Variants in UMAD1 observed in about 807,000 individuals in gnomAD.
UMAD1 encodes UBAP1-MVB12-associated (UMA) domain containing 1.
UMAD1 carries 8 observed loss-of-function variants against 6.1 expected under a neutral mutation model. The observed-to-expected ratio is 1.30, with a 90% CI of 0.76 to 2.35. UMAD1 has a LOEUF of 2.35. Ranked by LOEUF, UMAD1 falls within the 30% of genes most tolerant of loss-of-function variation. The probability of loss-of-function intolerance (pLI) is 0.00; values close to 1 mark genes in which losing one functional copy is unlikely to be tolerated. For missense variants in UMAD1, 130 were observed against 78.4 expected, an observed-to-expected ratio of 1.66 and a Z score of -2.49; for synonymous variants, 56 against 31.4, an observed-to-expected ratio of 1.78 and a Z score of -2.61.
intron 2 of UMAD1, among the ~76,000 whole-genome samples, chr7:7,708,315 G>A (rs1780657391): frequency 1.3e-5 from 2 of 152,094 alleles, no homozygotes; most frequent in African/African-American, 4.8e-5. Flanking sequence ...AGTTAATGTT[G>A]AATAAGCTAC....
chr7:7,708,729 A>ATAAG (rs1780672813), intron 2 of UMAD1, among the ~76,000 whole-genome samples: 1 of 152,208 alleles, frequency 6.6e-6, no homozygotes, highest in Non-Finnish European at 1.5e-5. Flanking sequence ...TTTGACTGAA[A>ATAAG]CGAGCAACTA....
intron 3 of UMAD1, among the ~76,000 whole-genome samples, chr7:7,817,991 A>T (rs79339873): frequency 0.083 from 12,653 of 152,010 alleles, 709 homozygotes; most frequent in Non-Finnish European, 0.13. Context: ...TTTTCTTTTT[A>T]AACTTTCAGG....
chr7:7,859,661 C>A (rs1200592530), intron 3 of UMAD1, among the ~76,000 whole-genome samples: 1 of 152,120 alleles, frequency 6.6e-6, no homozygotes, highest in Non-Finnish European at 1.5e-5. Flanking sequence ...TAGGTAGAGG[C>A]AGGGGTCATT....
intron 3 of UMAD1, among the ~76,000 whole-genome samples, chr7:7,821,357 A>G (rs1161124035): frequency 6.6e-6 from 1 of 152,234 alleles, no homozygotes. Flanking sequence ...TATATTAGTT[A>G]CATGTTGCCA....
At position 7,797,025 on chromosome 7, in the gene UMAD1, A is replaced by G. The variant is rs543693429; in HGVS notation, c.83-4645A>G. On this transcript the variant is annotated intron_variant, in intron 2 of 3. Transcript: ENST00000682710. ...CTATAAAGGAATACCTGAGAAGGGTAATTTATAAAGAAAAGAGGTTTATTT... is the reference window on the plus strand; with the variant it reads ...CTATAAAGGAATACCTGAGAAGGGTGATTTATAAAGAAAAGAGGTTTATTT... Among the ~76,000 whole-genome samples, 6 of 152,300 alleles carry G rather than the reference A, an allele frequency of 3.9e-5. No homozygotes were observed. In the South Asian group the frequency reaches 8.3e-4, roughly 21 times the overall value.
chr7:7,673,399 G>T lies in UMAD1; in HGVS notation c.28G>T (p.Glu10Ter). 8.6e-7 allele frequency: 1 copy of T among 1,165,910 alleles called. No individual in the cohort carries two copies. The highest frequency in any genetic ancestry group is 1.5e-5 in the African/African-American group (1 of 66,340). 72.2% of individuals were successfully genotyped at this position (1,165,910 alleles called of 1,614,324 possible). The change falls in exon 2 of 4, where the codon GAA (glutamate) becomes TAA (stop). Residue 10 changes from glutamate (E) to a stop codon, truncating the protein, a stop_gained. Transcript: ENST00000682710. LOFTEE classifies it high-confidence loss of function. MFHFFRKPPESKKPSVPETE... is the reference protein window; with the variant it reads MFHFFRKPP ...GTTTCACTTCTTCAGAAAGCCTCCGGAATCTAAAAAGCCCTCAGTACCAGA... is the reference window on the plus strand; with the variant it reads ...GTTTCACTTCTTCAGAAAGCCTCCGTAATCTAAAAAGCCCTCAGTACCAGA...
rs71011001 is a variant in UMAD1, at chr7:7,704,766, C to CAAA, written c.82+31338_82+31340dup. On this transcript the variant is annotated intron_variant, in intron 2 of 3. Transcript: ENST00000682710. The stretch of plus-strand genomic sequence containing the variant: ...TGGGTGACAGAGCGAGACTCCATCT[C>CAAA]AAAAAAAAAAAAAAAAAAAAAAAAA... 6.7e-4 allele frequency among the ~76,000 whole-genome samples: 12 copies of CAAA among 17,848 alleles called. 1 individual carries two copies. The highest frequency in any genetic ancestry group is 1.2e-3 in the African/African-American group (6 of 4,806). The allele number at this position is 17,848 out of a possible 152,430, so 11.7% of individuals were successfully genotyped here.
chr7:7,731,632 T>C (rs1781260450), intron 2 of UMAD1, among the ~76,000 whole-genome samples: 1 of 152,226 alleles, frequency 6.6e-6, no homozygotes, highest in Non-Finnish European at 1.5e-5. Context: ...GACTGCTAAA[T>C]TGCCTATTTG....
chr7:7,823,432 C>G (rs1428063258), intron 3 of UMAD1, among the ~76,000 whole-genome samples: 1 of 151,964 alleles, frequency 6.6e-6, no homozygotes, highest in Non-Finnish European at 1.5e-5. Flanking sequence ...ATCTGGCAAC[C>G]CCCGCCATAA....
At chr7:7,713,478 T>A (rs1780817187) in intron 2 of UMAD1, among the ~76,000 whole-genome samples, 1 of 151,932 alleles carries the variant, frequency 6.6e-6, no homozygotes, top group South Asian at 2.1e-4. Context: ...CTCCCCCCCA[T>A]GGCAATATTG....
At chr7:7,668,553 T>A (rs2115101541) in intron 1 of UMAD1, among the ~76,000 whole-genome samples, 1 of 152,318 alleles carries the variant, frequency 6.6e-6, no homozygotes, top group East Asian at 1.9e-4. Context: ...AGTTCTCACT[T>A]AGCATCATGG....
intron 1 of UMAD1, among the ~76,000 whole-genome samples, chr7:7,657,790 T>C (rs1037297376): frequency 6.6e-6 from 1 of 152,242 alleles, no homozygotes; most frequent in African/African-American, 2.4e-5. Flanking sequence ...ATCTTGGCTA[T>C]GTGGGCTCTA....
chr7:7,827,137 ATATATATATATGTGTG>A lies in UMAD1; in HGVS notation c.156+25396_156+25411del, dbSNP rs1243561828. Among the ~76,000 whole-genome samples, 9 of 129,548 alleles carry A rather than the reference ATATATATATATGTGTG, an allele frequency of 6.9e-5. 1 individual carries two copies. The highest frequency in any genetic ancestry group is 1.6e-5 in the Non-Finnish European group (1 of 61,372). The allele number at this position is 129,548 out of a possible 152,430, so 85.0% of individuals were successfully genotyped here. On this transcript the variant is annotated intron_variant, in intron 3 of 3. Transcript: ENST00000682710. ...CACAGTCCAGGATATATATATATAT[ATATATATATATGTGTG>A]TGTGTGTGTGTGTGTGTGTGTGTGT...
chr7:7,745,056 A>G (rs1414560115), intron 2 of UMAD1, among the ~76,000 whole-genome samples: 1 of 152,210 alleles, frequency 6.6e-6, no homozygotes, highest in Non-Finnish European at 1.5e-5. Context: ...TATATGTTTT[A>G]TATACTATAT....
At chr7:7,857,963 C>CT (rs776122636) in intron 3 of UMAD1, among the ~76,000 whole-genome samples, 81 of 152,242 alleles carry the variant, frequency 5.3e-4, no homozygotes, top group Non-Finnish European at 1.1e-3. Context: ...GTGAAATGTC[C>CT]TTATACTCTG....
chr7:7,841,341 G>A lies in UMAD1; in HGVS notation c.157-35940G>A, dbSNP rs12540059. 4.0e-5 allele frequency among the ~76,000 whole-genome samples: 6 copies of A among 148,854 alleles called. 1 individual carries two copies. The highest frequency in any genetic ancestry group is 2.7e-4 in the Admixed American group (4 of 15,028). On this transcript the variant is annotated intron_variant, in intron 3 of 3. Transcript: ENST00000682710. ...TTTTTTTTTTTTTTTTTGAGGCCAGGTGTTGCTCTGTCGCCAAGGCTGGAG... is the reference window on the plus strand; with the variant it reads ...TTTTTTTTTTTTTTTTTGAGGCCAGATGTTGCTCTGTCGCCAAGGCTGGAG...
chr7:7,666,772 C>T (rs567104042), intron 1 of UMAD1, among the ~76,000 whole-genome samples: 1 of 151,978 alleles, frequency 6.6e-6, no homozygotes, highest in East Asian at 1.9e-4. Context: ...CAGGAATTTT[C>T]TCCCATTTTT....
chr7:7,726,525 C>A (rs912814911), intron 2 of UMAD1, among the ~76,000 whole-genome samples: 5 of 152,222 alleles, frequency 3.3e-5, no homozygotes, highest in Non-Finnish European at 7.3e-5. Context: ...TGCTCTGAAT[C>A]AGTGTCCAAT....
At chr7:7,758,861 C>G (rs1447771182) in intron 2 of UMAD1, among the ~76,000 whole-genome samples, 2 of 152,164 alleles carry the variant, frequency 1.3e-5, no homozygotes, top group Non-Finnish European at 2.9e-5. Context: ...TCTCTCCCCA[C>G]CCTGTTAGAG....
Sources: allele counts gnomAD v4.1 joint callset (sites outside exome capture counted in the v4.1 genomes callset), GRCh38; gene constraint gnomAD v4.1.1; transcripts MANE v1.5; gene names NCBI Gene and HGNC (gene_info 2026-07-23, HGNC 2026-07-21).